RTL4: variants seen among roughly 807,000 people sequenced by gnomAD.
RTL4 encodes retrotransposon Gag like 4.
RTL4 carries 4 observed loss-of-function variants against 5.3 expected under a neutral mutation model. The ratio of observed to expected loss-of-function variants is 0.75; its 90% CI spans 0.37 to 1.72. RTL4 has a LOEUF of 1.72. Among genes scored for constraint, RTL4 ranks in the 40% most tolerant of loss-of-function variants. The pLI is 0.04. For missense variants in RTL4, 260 were observed against 227.1 expected (o/e 1.14, Z -0.93); for synonymous variants, 98 against 87.3 (o/e 1.12, Z -0.68).
At chrX:112,417,907 G>C in the RTL4 span, among the ~76,000 whole-genome samples, 4,530 of 111,777 alleles carry the variant, frequency 0.041, 197 homozygotes, top group African/African-American at 0.12. Context: ...CAGCACTTTA[G>C]GAGGCCAAGG....
At chrX:112,338,313 A>T in the RTL4 span, among the ~76,000 whole-genome samples, 1 of 111,960 alleles carries the variant, frequency 8.9e-6, no homozygotes, top group Admixed American at 9.5e-5. Flanking sequence ...TAGTCAGTTC[A>T]CCATATTTTC....
the RTL4 span, among the ~76,000 whole-genome samples, chrX:112,313,699 A>T: frequency 1.8e-5 from 2 of 109,870 alleles, no homozygotes; most frequent in Non-Finnish European, 3.8e-5. Flanking sequence ...AGATTGAAAA[A>T]GGTATGATTA....
the RTL4 span, among the ~76,000 whole-genome samples, chrX:112,099,030 A>G: frequency 3.6e-5 from 4 of 112,341 alleles, no homozygotes; most frequent in African/African-American, 1.3e-4. Context: ...CAAAATTGAC[A>G]AATGGGATCT....
the RTL4 span, among the ~76,000 whole-genome samples, chrX:112,285,430 T>C: frequency 8.9e-6 from 1 of 111,936 alleles, no homozygotes; most frequent in African/African-American, 3.2e-5. Context: ...AAAATATGGC[T>C]TATCCCTTAG....
At chrX:112,095,764 G>A in the RTL4 span, among the ~76,000 whole-genome samples, 1 of 111,524 alleles carries the variant, frequency 9.0e-6, no homozygotes, top group Non-Finnish European at 1.9e-5. Flanking sequence ...GGGTATGGCT[G>A]TAAGAGTGGG....
chrX:112,177,433 T>C, the RTL4 span, among the ~76,000 whole-genome samples: 2 of 111,557 alleles, frequency 1.8e-5, no homozygotes, highest in African/African-American at 6.5e-5. Context: ...ATTTGTGACA[T>C]TGAGTATTTT....
At chrX:112,121,967 T>C in the RTL4 span, among the ~76,000 whole-genome samples, 1 of 111,910 alleles carries the variant, frequency 8.9e-6, no homozygotes, top group African/African-American at 3.2e-5. Context: ...GAAGGAAATA[T>C]TTTAAATTTG....
chrX:112,427,973 A>G, the RTL4 span, among the ~76,000 whole-genome samples: 58 of 107,746 alleles, frequency 5.4e-4, no homozygotes, highest in Non-Finnish European at 9.6e-4. Flanking sequence ...ATTCTCACAC[A>G]TTTGCATCCT....
At chrX:112,354,494 G>A in the RTL4 span, among the ~76,000 whole-genome samples, 9 of 111,372 alleles carry the variant, frequency 8.1e-5, no homozygotes, top group African/African-American at 2.6e-4. Flanking sequence ...TTTTCACAGC[G>A]TTTATTACTT....
the RTL4 span, among the ~76,000 whole-genome samples, chrX:112,277,704 C>G: frequency 1.8e-5 from 2 of 111,724 alleles, no homozygotes; most frequent in African/African-American, 6.5e-5. Context: ...CTCACTTACT[C>G]CATGCTTCCA....
the RTL4 span, among the ~76,000 whole-genome samples, chrX:112,148,891 C>T: frequency 1.8e-5 from 2 of 111,679 alleles, no homozygotes; most frequent in South Asian, 3.8e-4. Context: ...GCAGTCCTTT[C>T]GTCTCATCCC....
chrX:112,131,219 CTTTTTTT>C, the RTL4 span, among the ~76,000 whole-genome samples: 5 of 99,562 alleles, frequency 5.0e-5, no homozygotes, highest in Admixed American at 3.3e-4. Flanking sequence ...ATGTAAATAC[CTTTTTTT>C]TTTTTTACCA....
At chrX:112,381,654 C>T in the RTL4 span, 1 of 1,208,998 alleles carries the variant, frequency 8.3e-7, no homozygotes, top group Admixed American at 2.2e-5. Flanking sequence ...GTGCTTAAAG[C>T]AGCGCTCTTG....
chrX:112,189,528 C>T, the RTL4 span, among the ~76,000 whole-genome samples: 8 of 110,700 alleles, frequency 7.2e-5, no homozygotes, highest in Admixed American at 4.8e-4. Context: ...TTTGGGAGGC[C>T]GAGGCAGGCA....
At chrX:112,413,978 T>A in the RTL4 span, among the ~76,000 whole-genome samples, 1 of 111,045 alleles carries the variant, frequency 9.0e-6, no homozygotes, top group African/African-American at 3.3e-5. Context: ...ATACCTACTA[T>A]GTACCCACAA....
At chrX:112,215,825 G>A in the RTL4 span, among the ~76,000 whole-genome samples, 1 of 111,515 alleles carries the variant, frequency 9.0e-6, no homozygotes, top group Non-Finnish European at 1.9e-5. Flanking sequence ...TGATATTGCT[G>A]CATCATATGG....
At chrX:112,367,992 G>A in the RTL4 span, among the ~76,000 whole-genome samples, 26 of 112,010 alleles carry the variant, frequency 2.3e-4, no homozygotes, top group Non-Finnish European at 4.7e-4. Context: ...TGGTGGTAAG[G>A]GAAATATAAA....
At chrX:112,353,878 G>A in the RTL4 span, among the ~76,000 whole-genome samples, 1 of 110,896 alleles carries the variant, frequency 9.0e-6, no homozygotes, top group Non-Finnish European at 1.9e-5. Context: ...GTGTGCTGTG[G>A]GTTAGAATGT....
the RTL4 span, among the ~76,000 whole-genome samples, chrX:112,176,393 A>G: frequency 9.0e-6 from 1 of 111,457 alleles, no homozygotes; most frequent in African/African-American, 3.3e-5. Context: ...CCCCCTTTCC[A>G]CAACCAACTA....
Sources: gnomAD v4.1 joint callset for allele counts (sites outside exome capture counted in the v4.1 genomes callset) on GRCh38, gnomAD v4.1.1 for gene constraint, MANE v1.5 for transcripts, NCBI Gene and HGNC (gene_info 2026-07-23, HGNC 2026-07-21) for gene names.